The following BTBD9 variants were observed in gnomAD, a reference collection of about 807,000 sequenced individuals.
The protein encoded by BTBD9 is BTB/POZ domain-containing protein 9.
BTBD9 carries 49 observed loss-of-function variants against 64.3 expected under a neutral mutation model. The ratio of observed to expected loss-of-function variants is 0.76; its 90% CI spans 0.61 to 0.97. The LOEUF is 0.97. Among genes scored for constraint, BTBD9 ranks in the 50% least tolerant of loss-of-function variants. BTBD9 has a pLI of 0.00. For missense variants in BTBD9, 598 were observed against 762.1 expected (o/e 0.78, Z 2.53); for synonymous variants, 260 against 274.7 (o/e 0.95, Z 0.53).
At chr6:38,461,487 C>T (rs1012928460) in intron 6 of BTBD9, among the ~76,000 whole-genome samples, 1 of 152,164 alleles carries the variant, frequency 6.6e-6, no homozygotes, top group Non-Finnish European at 1.5e-5. Flanking sequence ...CATATTGTTG[C>T]ATGGATCAAT....
intron 6 of BTBD9, among the ~76,000 whole-genome samples, chr6:38,525,263 C>A (rs1773436516): frequency 6.6e-6 from 1 of 152,170 alleles, no homozygotes; most frequent in African/African-American, 2.4e-5. Context: ...CTTGCTCGCT[C>A]TCTCTCCTGC....
chr6:38,213,918 C>A (rs2395696), intron 9 of BTBD9, among the ~76,000 whole-genome samples: 1 of 151,596 alleles, frequency 6.6e-6, no homozygotes, highest in Non-Finnish European at 1.5e-5. Flanking sequence ...ATGGCATGAA[C>A]CCAGGAGGCG....
chr6:38,180,015 G>A (rs1052489706), intron 10 of BTBD9, among the ~76,000 whole-genome samples: 5 of 152,208 alleles, frequency 3.3e-5, no homozygotes, highest in Non-Finnish European at 7.3e-5. Flanking sequence ...GGAGCAGTGT[G>A]CCTGCCTCAG....
intron 6 of BTBD9, among the ~76,000 whole-genome samples, chr6:38,349,906 C>T (rs1582272884): frequency 6.6e-6 from 1 of 152,154 alleles, no homozygotes; most frequent in East Asian, 1.9e-4. Flanking sequence ...TCGCTTTAAT[C>T]CTCAAGCCTT....
chr6:38,440,731 T>C (rs1247986536), intron 6 of BTBD9, among the ~76,000 whole-genome samples: 1 of 152,212 alleles, frequency 6.6e-6, no homozygotes, highest in Non-Finnish European at 1.5e-5. Flanking sequence ...TTTTAATGTG[T>C]TGAATGTCTA....
chr6:38,565,599 G>A (rs185643525), intron 6 of BTBD9, among the ~76,000 whole-genome samples: 2 of 152,188 alleles, frequency 1.3e-5, no homozygotes, highest in East Asian at 3.9e-4. Context: ...TGAAAAATCT[G>A]CATAAAACAA....
chr6:38,266,602 AAAGGAAAGAAAGAAAGAAAGAAAG>A (rs1764985755), intron 8 of BTBD9, among the ~76,000 whole-genome samples: 1 of 127,876 alleles, frequency 7.8e-6, no homozygotes. Context: ...GAAAGGAAAG[AAAGGAAAGAAAGAAAGAAAGAAAG>A]AAAGAAAGAA....
At chr6:38,331,813 T>C (rs1763685274) in intron 7 of BTBD9, among the ~76,000 whole-genome samples, 1 of 152,124 alleles carries the variant, frequency 6.6e-6, no homozygotes, top group Non-Finnish European at 1.5e-5. Flanking sequence ...GAGCTGTGAT[T>C]GCATCACTGC....
chr6:38,528,300 C>T (rs1773606306), intron 6 of BTBD9, among the ~76,000 whole-genome samples: 1 of 152,196 alleles, frequency 6.6e-6, no homozygotes, highest in East Asian at 1.9e-4. Context: ...CCTGCCACCA[C>T]ATGCTAAAGT....
At chr6:38,182,559 G>GCTCTCCC (rs1761606999) in intron 10 of BTBD9, among the ~76,000 whole-genome samples, 1 of 152,212 alleles carries the variant, frequency 6.6e-6, no homozygotes, top group Admixed American at 6.5e-5. Context: ...CCATGGCCCT[G>GCTCTCCC]CTCTCCCCAC....
At chr6:38,243,445 CG>C (rs149473527) in intron 9 of BTBD9, among the ~76,000 whole-genome samples, 17,382 of 151,922 alleles carry the variant, frequency 0.11, 1,075 homozygotes, top group Non-Finnish European at 0.14. Context: ...CAGCAACAGA[CG>C]TAGAGTATAG....
intron 7 of BTBD9, among the ~76,000 whole-genome samples, chr6:38,312,289 C>T (rs1360736775): frequency 6.6e-6 from 1 of 152,066 alleles, no homozygotes; most frequent in East Asian, 1.9e-4. Context: ...GTTTGAGTTC[C>T]TTATATATTC....
chr6:38,373,400 C>T (rs1476155091), intron 6 of BTBD9, among the ~76,000 whole-genome samples: 1 of 152,110 alleles, frequency 6.6e-6, no homozygotes, highest in Admixed American at 6.5e-5. Flanking sequence ...TCTGTATTTC[C>T]CACGTTCTTA....
At chr6:38,413,014 C>T (rs1423485721) in intron 6 of BTBD9, among the ~76,000 whole-genome samples, 8 of 152,178 alleles carry the variant, frequency 5.3e-5, no homozygotes, top group African/African-American at 1.7e-4. Context: ...CAATGTGTGG[C>T]CCTGCTACCA....
Position 38,309,560 on chromosome 6 carries a change from G to A in BTBD9, c.1265-21099C>T, listed in dbSNP as rs202012892. Among the ~76,000 whole-genome samples, 9 of 150,764 alleles carry A rather than the reference G, an allele frequency of 6.0e-5. No homozygotes were observed. In the East Asian group the frequency reaches 8.0e-4, roughly 13 times the overall value. The stretch of plus-strand genomic sequence containing the variant: ...CCCGAGTAGCTGGGACTACAGGCAC[G>A]CACCACCACGCCCAGCTAACTTTTG... On this transcript the variant is annotated intron_variant, in intron 7 of 10. Transcript: ENST00000481247.
chr6:38,186,285 G>A (rs1343349880), intron 10 of BTBD9, among the ~76,000 whole-genome samples: 1 of 152,050 alleles, frequency 6.6e-6, no homozygotes, highest in Non-Finnish European at 1.5e-5. Context: ...AATATAAAGG[G>A]CTGGAAGATA....
intron 6 of BTBD9, among the ~76,000 whole-genome samples, chr6:38,429,967 G>A (rs1270071970): frequency 6.6e-6 from 1 of 151,926 alleles, no homozygotes; most frequent in Non-Finnish European, 1.5e-5. Flanking sequence ...ATTTAAAGTG[G>A]AAGATACTCA....
rs184145981 is a variant in BTBD9 at position 38,521,080 on chromosome 6, G to T, written c.1154+56520C>A. On this transcript the variant is annotated intron_variant, in intron 6 of 10. Transcript: ENST00000481247. ...GGGCCAGGGACACAGGAGCCCAACA[G>T]TTAAGATCGTGACCTTACACACACT... 5.2e-3 allele frequency among the ~76,000 whole-genome samples: 782 copies of T among 151,642 alleles called. 10 individuals are homozygous for T. Among genetic ancestry groups the T allele is most frequent in the Middle Eastern group, 0.014 (4 of 292 alleles).
At chr6:38,276,247 G>T (rs1259054974) in intron 8 of BTBD9, among the ~76,000 whole-genome samples, 5 of 151,454 alleles carry the variant, frequency 3.3e-5, no homozygotes, top group Admixed American at 1.3e-4. Flanking sequence ...ACTATCGCAA[G>T]GACAAAAAAC....
Sources: allele counts gnomAD v4.1 joint callset (sites outside exome capture counted in the v4.1 genomes callset), GRCh38; gene constraint gnomAD v4.1.1; transcripts MANE v1.5; gene names NCBI Gene and HGNC (gene_info 2026-07-23, HGNC 2026-07-21).